Variants in ADGRB3 observed in about 807,000 individuals in gnomAD.
ADGRB3 encodes brain-specific angiogenesis inhibitor 3.
ADGRB3 carries 37 observed loss-of-function variants against 193.4 expected under a neutral mutation model. The observed-to-expected ratio is 0.19, with a 90% CI of 0.15 to 0.25. ADGRB3 has a LOEUF of 0.25. Among genes scored for constraint, ADGRB3 ranks in the 10% least tolerant of loss-of-function variants. The pLI is 1.00. For missense variants in ADGRB3, 1,637 were observed against 1,852.9 expected (o/e 0.88, Z 2.14); for synonymous variants, 690 against 644.2 (o/e 1.07, Z -1.08).
chr6:69,388,469 A>T (rs1398673218), intron 31 of ADGRB3, among the ~76,000 whole-genome samples: 2 of 152,094 alleles, frequency 1.3e-5, no homozygotes, highest in African/African-American at 4.8e-5. Flanking sequence ...ACTACTGTTC[A>T]CTTCCTTTGA....
intron 13 of ADGRB3, among the ~76,000 whole-genome samples, chr6:69,044,344 A>T (rs1351869326): frequency 6.6e-6 from 1 of 152,156 alleles, no homozygotes; most frequent in Non-Finnish European, 1.5e-5. Flanking sequence ...TTGTATGTGA[A>T]CCACTCACAA....
At chr6:68,854,861 C>G (rs905938188) in intron 3 of ADGRB3, among the ~76,000 whole-genome samples, 2 of 152,190 alleles carry the variant, frequency 1.3e-5, no homozygotes, top group Non-Finnish European at 2.9e-5. Flanking sequence ...TTCAGAGTCT[C>G]TCCCAGCATT....
intron 20 of ADGRB3, among the ~76,000 whole-genome samples, chr6:69,268,033 T>C (rs1767085635): frequency 6.6e-6 from 1 of 152,152 alleles, no homozygotes; most frequent in African/African-American, 2.4e-5. Context: ...GGCATTCCCA[T>C]ATTTATTAAT....
intron 3 of ADGRB3, among the ~76,000 whole-genome samples, chr6:68,662,027 T>C (rs1300303986): frequency 1.3e-5 from 2 of 151,498 alleles, no homozygotes; most frequent in Non-Finnish European, 3.0e-5. Flanking sequence ...CTTTTGATGA[T>C]TGTGATATTG....
chr6:68,776,056 C>G (rs750220474), intron 3 of ADGRB3, among the ~76,000 whole-genome samples: 2 of 152,198 alleles, frequency 1.3e-5, no homozygotes, highest in East Asian at 3.9e-4. Context: ...GCTTTTAGTG[C>G]GTAGAATGAA....
At chr6:69,369,891 A>T (rs1469873337) in intron 29 of ADGRB3, among the ~76,000 whole-genome samples, 1 of 152,142 alleles carries the variant, frequency 6.6e-6, no homozygotes, top group Non-Finnish European at 1.5e-5. Context: ...AATGCAATTG[A>T]CAAGTAAAAG....
intron 3 of ADGRB3, among the ~76,000 whole-genome samples, chr6:68,886,702 T>C (rs1206110752): frequency 6.6e-6 from 1 of 152,074 alleles, no homozygotes; most frequent in African/African-American, 2.4e-5. Flanking sequence ...TCCTTAACTG[T>C]AACATTCAAA....
chr6:68,752,574 G>A (rs1766221158), intron 3 of ADGRB3, among the ~76,000 whole-genome samples: 1 of 152,066 alleles, frequency 6.6e-6, no homozygotes, highest in Admixed American at 6.6e-5. Context: ...TACCTGGCTA[G>A]TTGTGGTAGG....
chr6:68,864,237 T>C lies in ADGRB3; in HGVS notation c.758-66322T>C, dbSNP rs185444228. 2.5e-3 allele frequency among the ~76,000 whole-genome samples: 382 copies of C among 152,354 alleles called. 3 individuals carry two copies. Among genetic ancestry groups the C allele is most frequent in the Middle Eastern group, 0.01 (3 of 294 alleles). ...ATTTTACTTAATTTCTTGATATGGC[T>C]ATATCTATGCACAGTTAAGTTATGG... On this transcript the variant is annotated intron_variant, in intron 3 of 31. Coordinates refer to ENST00000370598, the MANE Select transcript of ADGRB3 (RefSeq NM_001704.3).
At chr6:68,936,458 A>T in intron 4 of ADGRB3, 61 bp from the exon 5 acceptor site, 1 of 1,515,076 alleles carries the variant, frequency 6.6e-7, no homozygotes, top group Non-Finnish European at 9.0e-7. Context: ...AGTTTGGTAT[A>T]ATGCTTACTA....
chr6:69,047,418 A>G (rs190463689), intron 13 of ADGRB3, among the ~76,000 whole-genome samples: 17 of 150,372 alleles, frequency 1.1e-4, no homozygotes, highest in Non-Finnish European at 2.2e-4. Flanking sequence ...ATATAATAAA[A>G]TATATTAAAG....
chr6:68,892,741 T>C (rs1005275379), intron 3 of ADGRB3, among the ~76,000 whole-genome samples: 7 of 152,090 alleles, frequency 4.6e-5, no homozygotes, highest in Non-Finnish European at 8.8e-5. Context: ...TTTGTTGTTA[T>C]CAGTATATTT....
chr6:68,651,905 GAAAACTAATGTTTTCAATTTT>G (rs1360863316), intron 3 of ADGRB3, among the ~76,000 whole-genome samples: 1 of 151,986 alleles, frequency 6.6e-6, no homozygotes, highest in Non-Finnish European at 1.5e-5. Flanking sequence ...TCCTTCCATT[GAAAACTAATGTTTTCAATTTT>G]ATGGTCACCA....
chr6:68,716,904 T>C (rs1276219160), intron 3 of ADGRB3, among the ~76,000 whole-genome samples: 3 of 151,718 alleles, frequency 2.0e-5, no homozygotes, highest in Non-Finnish European at 4.4e-5. Context: ...CCTGTAAATT[T>C]AAGATTCAAA....
intron 13 of ADGRB3, among the ~76,000 whole-genome samples, chr6:69,043,290 G>GAAAGAAAGAAAGAAAGAA (rs1554252052): frequency 1.1e-5 from 1 of 88,032 alleles, no homozygotes; most frequent in South Asian, 3.7e-4. Flanking sequence ...GGAAGAAAGA[G>GAAAGAAAGAAAGAAAGAA]AGAAAGAAAG....
At chr6:68,862,811 A>G (rs1765193231) in intron 3 of ADGRB3, among the ~76,000 whole-genome samples, 4 of 152,236 alleles carry the variant, frequency 2.6e-5, no homozygotes, top group Middle Eastern at 3.4e-3. Context: ...TTCATATTAC[A>G]TATTTCTATT....
chr6:68,783,867 G>T (rs1468981966), intron 3 of ADGRB3, among the ~76,000 whole-genome samples: 43 of 151,966 alleles, frequency 2.8e-4, no homozygotes, highest in Non-Finnish European at 1.5e-5. Flanking sequence ...CCAGAAGGAT[G>T]CCCTGAAAAA....
At position 68,783,798 on chromosome 6, in the gene ADGRB3, G is replaced by A. The variant is rs114557196; in HGVS notation, c.757+144366G>A. 2.6e-3 allele frequency among the ~76,000 whole-genome samples: 389 copies of A among 152,102 alleles called. 1 individual carries two copies. The highest frequency in any genetic ancestry group is 8.9e-3 in the African/African-American group (370 of 41,506). On this transcript the variant is annotated intron_variant, in intron 3 of 31. Coordinates refer to ENST00000370598, the MANE Select transcript of ADGRB3 (RefSeq NM_001704.3). The stretch of plus-strand genomic sequence containing the variant: ...AATAATACCCAACCTGCAGAATTAG[G>A]TCACTATTATGACATGTTTGTAGAG...
intron 3 of ADGRB3, among the ~76,000 whole-genome samples, chr6:68,767,081 G>GCACTTC (rs1562020950): frequency 6.6e-6 from 1 of 151,838 alleles, no homozygotes; most frequent in Non-Finnish European, 1.5e-5. Flanking sequence ...ATTAAAATAA[G>GCACTTC]CGTTCTTTTA....
Sources: gnomAD v4.1 joint callset for allele counts (sites outside exome capture counted in the v4.1 genomes callset) on GRCh38, gnomAD v4.1.1 for gene constraint, MANE v1.5 for transcripts, NCBI Gene and HGNC (gene_info 2026-07-23, HGNC 2026-07-21) for gene names.